BBS12: variants seen among roughly 807,000 people sequenced by gnomAD.
The protein encoded by BBS12 is Bardet-Biedl syndrome 12, also known as chaperonin-containing T-complex member BBS12.
Under a neutral mutation model 5.6 loss-of-function variants are expected in BBS12, and 5 were observed. The observed-to-expected ratio is 0.89, with a 90% CI of 0.46 to 1.86. The LOEUF is 1.86. Among genes scored for constraint, BBS12 ranks in the 40% most tolerant of loss-of-function variants. BBS12 has a pLI of 0.01. For synonymous variants in BBS12, 308 were observed against 306.8 expected (o/e 1.00, Z -0.04); for missense variants, 748 against 830.4 (o/e 0.90, Z 1.22).
At chr4:122,731,549 A>G (rs540545587), upstream of BBS12, 1 of 152,300 alleles carries the variant, frequency 6.6e-6, no homozygotes, top group Admixed American at 6.5e-5. Flanking sequence ...AATCATAACT[A>G]TATCATTTTT....
At chr4:122,712,248 T>C in the BBS12 span, among the ~76,000 whole-genome samples, 1 of 152,180 alleles carries the variant, frequency 6.6e-6, no homozygotes, top group Non-Finnish European at 1.5e-5. Context: ...CTCCTTCCTC[T>C]ATCTATACAC....
the BBS12 span, among the ~76,000 whole-genome samples, chr4:122,722,095 T>C: frequency 6.6e-6 from 1 of 152,210 alleles, no homozygotes. Flanking sequence ...TCCTCTAGAA[T>C]TGATTTTTAT....
In BBS12 at chr4:122,742,476, A is replaced by T. The variant is rs17854892; in HGVS notation, c.584A>T (p.Lys195Ile). Residue 195 changes from lysine (K) to isoleucine (I), a missense_variant, in exon 2 of 2, where the codon AAA becomes ATA. Physicochemically the swap from Lys to Ile is moderately radical, Grantham distance 102 (BLOSUM62 -3). Coordinates refer to ENST00000314218, the MANE Select transcript of BBS12 (RefSeq NM_152618.3). Reference protein sequence around the residue: ...TISNLSGRPLKSYELFKPQTK... With the variant: ...TISNLSGRPLISYELFKPQTK... Reference sequence around the variant, plus strand: ...TCCAACCTTTCTGGGAGACCTCTTAAATCATATGAATTATTTAAACCTCAG... The same window carrying T: ...TCCAACCTTTCTGGGAGACCTCTTATATCATATGAATTATTTAAACCTCAG... 6.2e-7 allele frequency: 1 copy of T among 1,613,950 alleles called. No homozygotes were observed. Among genetic ancestry groups the T allele is most frequent in the Non-Finnish European group, 8.5e-7 (1 of 1,179,998 alleles).
chr4:122,729,260 G>A (rs1034851470), upstream of BBS12: 2 of 152,284 alleles, frequency 1.3e-5, no homozygotes, highest in African/African-American at 4.8e-5. Context: ...ATTACTATAC[G>A]GGGTGGTAAG....
chr4:122,730,188 T>G (rs568690106), upstream of BBS12: 2 of 152,356 alleles, frequency 1.3e-5, no homozygotes, highest in South Asian at 4.1e-4. Flanking sequence ...CAGGTTTTTT[T>G]GGGTTGCACA....
At chr4:122,724,739 C>A in the BBS12 span, among the ~76,000 whole-genome samples, 3 of 152,160 alleles carry the variant, frequency 2.0e-5, no homozygotes, top group Non-Finnish European at 4.4e-5. Context: ...CTCAAGAGTT[C>A]TGTCCTGGTC....
chr4:122,718,672 G>C, the BBS12 span, among the ~76,000 whole-genome samples: 1 of 151,890 alleles, frequency 6.6e-6, no homozygotes, highest in Non-Finnish European at 1.5e-5. Flanking sequence ...ACTGGGCTAA[G>C]ACTTGAGAGG....
the BBS12 span, among the ~76,000 whole-genome samples, chr4:122,722,606 C>A: frequency 2.6e-5 from 4 of 152,118 alleles, no homozygotes; most frequent in East Asian, 7.7e-4. Flanking sequence ...TGTAGAAGAC[C>A]TGTGTATCTT....
chr4:122,726,109 A>G, the BBS12 span, among the ~76,000 whole-genome samples: 2 of 152,158 alleles, frequency 1.3e-5, no homozygotes, highest in African/African-American at 2.4e-5. Flanking sequence ...CTGCACAGCA[A>G]AAGGAACAGT....
the BBS12 span, among the ~76,000 whole-genome samples, chr4:122,704,031 G>A: frequency 6.6e-6 from 1 of 152,018 alleles, no homozygotes; most frequent in East Asian, 1.9e-4. Context: ...AATTGTTTTT[G>A]TAGAGACGGT....
chr4:122,740,876 A>G (rs1374503957), intron 1 of BBS12, among the ~76,000 whole-genome samples: 1 of 152,182 alleles, frequency 6.6e-6, no homozygotes. Context: ...ATGACTATGA[A>G]ATAGCTTCTA....
At chr4:122,727,740 G>A (rs1215363440), upstream of BBS12, among the ~76,000 whole-genome samples, 1 of 151,648 alleles carries the variant, frequency 6.6e-6, no homozygotes, top group Non-Finnish European at 1.5e-5. Flanking sequence ...TTTTAGTAGA[G>A]ACGGGGTTTC....
At chr4:122,735,132 C>A (rs777888682) in intron 1 of BBS12, among the ~76,000 whole-genome samples, 2 of 152,026 alleles carry the variant, frequency 1.3e-5, no homozygotes, top group Non-Finnish European at 2.9e-5. Flanking sequence ...ATAGAAAGTG[C>A]GTTGGGAGCA....
chr4:122,710,147 T>C, the BBS12 span, among the ~76,000 whole-genome samples: 1 of 152,172 alleles, frequency 6.6e-6, no homozygotes, highest in Non-Finnish European at 1.5e-5. Flanking sequence ...ACTGCCTAAC[T>C]GCGGCGTAGG....
the BBS12 span, among the ~76,000 whole-genome samples, chr4:122,705,919 A>G: frequency 6.6e-6 from 1 of 152,150 alleles, no homozygotes; most frequent in African/African-American, 2.4e-5. Context: ...CCAAAATATA[A>G]CTGACTGATA....
At chr4:122,718,005 G>A in the BBS12 span, among the ~76,000 whole-genome samples, 1 of 152,144 alleles carries the variant, frequency 6.6e-6, no homozygotes, top group Non-Finnish European at 1.5e-5. Flanking sequence ...GTGATGTTGA[G>A]CTAGTCGTTT....
intron 1 of BBS12, among the ~76,000 whole-genome samples, chr4:122,738,185 C>T (rs1215844606): frequency 6.6e-6 from 1 of 151,764 alleles, no homozygotes; most frequent in East Asian, 1.9e-4. Context: ...CATCAAACAA[C>T]AACAAAAAAA....
chr4:122,742,746 T>C lies in BBS12; in HGVS notation c.854T>C (p.Leu285Ser), dbSNP rs764693618. The change falls in exon 2 of 2, where the codon TTA (leucine) becomes TCA (serine). Residue 285 changes from leucine to serine, a missense_variant. By Grantham distance (145) the Leu-to-Ser change is moderately radical. Coordinates refer to ENST00000314218, the MANE Select transcript of BBS12 (RefSeq NM_152618.3). ...LSHGDHSSMK[L>S]VEEAVQLQYQ... ...CATGGAGATCACAGCAGCATGAAGTTAGTAGAAGAAGCAGTACAGCTGCAA... is the reference window on the plus strand; with the variant it reads ...CATGGAGATCACAGCAGCATGAAGTCAGTAGAAGAAGCAGTACAGCTGCAA... 6.2e-7 allele frequency: 1 copy of C among 1,614,214 alleles called. No individual in the cohort carries two copies. Among genetic ancestry groups the C allele is most frequent in the Non-Finnish European group, 8.5e-7 (1 of 1,180,034 alleles).
chr4:122,738,236 A>T (rs1472155777), intron 1 of BBS12, among the ~76,000 whole-genome samples: 1 of 151,974 alleles, frequency 6.6e-6, no homozygotes, highest in East Asian at 1.9e-4. Flanking sequence ...TTTTTTTTTG[A>T]GACAGAGTCT....
Sources: allele counts gnomAD v4.1 joint callset (sites outside exome capture counted in the v4.1 genomes callset), GRCh38; gene constraint gnomAD v4.1.1; transcripts MANE v1.5; gene names NCBI Gene and HGNC (gene_info 2026-07-23, HGNC 2026-07-21).